MAMDC2: variants seen among roughly 807,000 people sequenced by gnomAD.
MAMDC2 encodes the protein MAM domain-containing protein 2.
A neutral mutation model predicts 89.8 loss-of-function variants in MAMDC2; 57 were observed. The observed-to-expected ratio is 0.63, with a 90% CI of 0.51 to 0.79. MAMDC2 has a LOEUF of 0.79. Among genes scored for constraint, MAMDC2 ranks in the 30% least tolerant of loss-of-function variants. The pLI is 0.00. For missense variants in MAMDC2, 800 were observed against 820.6 expected (o/e 0.97, Z 0.31); for synonymous variants, 313 against 293.4 (o/e 1.07, Z -0.68).
chr9:70,203,800 T>G (rs1458001117), intron 11 of MAMDC2, among the ~76,000 whole-genome samples: 1 of 125,920 alleles, frequency 7.9e-6, no homozygotes, highest in Non-Finnish European at 1.7e-5. Context: ...CTTCATTTCA[T>G]TCATTTCATC....
At chr9:70,093,703 A>T (rs1827962087) in intron 2 of MAMDC2, 1 of 151,902 alleles carries the variant, frequency 6.6e-6, no homozygotes, top group African/African-American at 2.4e-5. Flanking sequence ...AAGTGCTGGG[A>T]TTACAGGCAT....
chr9:70,143,832 CA>C lies in MAMDC2; in HGVS notation c.1404+15del. On this transcript the variant is annotated intron_variant, in intron 9 of 13. Transcript: ENST00000377182. ...CATGCCTACCAAGGTACAGCAGAGCCAATTTCTCCTGTGTCCATGTTCAGTT... is the reference window on the plus strand; with the variant it reads ...CATGCCTACCAAGGTACAGCAGAGCCATTTCTCCTGTGTCCATGTTCAGTT... 1 of 1,610,458 alleles carries C rather than the reference CA, an allele frequency of 6.2e-7. No individual in the cohort carries two copies.
At chr9:70,179,621 G>GAAAA (rs547265087) in intron 11 of MAMDC2, among the ~76,000 whole-genome samples, 79 of 116,352 alleles carry the variant, frequency 6.8e-4, no homozygotes, top group African/African-American at 2.3e-3. Context: ...TTCTACAAAT[G>GAAAA]AAAAAAAAAA....
intron 12 of MAMDC2, 25 bp downstream of exon 12, chr9:70,218,621 A>C: frequency 1.3e-6 from 2 of 1,561,160 alleles, no homozygotes; most frequent in South Asian, 2.4e-5. Context: ...ATAAGAACTA[A>C]GCAATGGAAA....
intron 9 of MAMDC2, among the ~76,000 whole-genome samples, chr9:70,161,826 T>G (rs1232424563): frequency 6.6e-6 from 1 of 152,216 alleles, no homozygotes; most frequent in African/African-American, 2.4e-5. Flanking sequence ...AGTAATTTTG[T>G]GAATAATTAT....
At chr9:70,119,057 T>C (rs1391949855) in intron 5 of MAMDC2, among the ~76,000 whole-genome samples, 1 of 152,160 alleles carries the variant, frequency 6.6e-6, no homozygotes. Flanking sequence ...TTTTATCCTG[T>C]ATTTTCTTAA....
intron 11 of MAMDC2, among the ~76,000 whole-genome samples, chr9:70,185,686 A>G (rs1431870137): frequency 2.0e-5 from 3 of 152,106 alleles, no homozygotes; most frequent in Non-Finnish European, 4.4e-5. Context: ...ACTGTCCGGG[A>G]AAAACTGCCT....
intron 2 of MAMDC2, chr9:70,090,881 G>T (rs1303634660): frequency 1.3e-5 from 2 of 151,920 alleles, no homozygotes; most frequent in African/African-American, 2.4e-5. Context: ...ATTAAATTAT[G>T]GTACATTTAT....
intron 5 of MAMDC2, among the ~76,000 whole-genome samples, chr9:70,117,442 G>A (rs1274380971): frequency 6.6e-6 from 1 of 152,074 alleles, no homozygotes; most frequent in Non-Finnish European, 1.5e-5. Context: ...GACACAGGGA[G>A]GGAAACATCA....
intron 8 of MAMDC2, among the ~76,000 whole-genome samples, chr9:70,141,063 G>A (rs1358079254): frequency 6.6e-5 from 10 of 152,162 alleles, no homozygotes; most frequent in Non-Finnish European, 2.9e-5. Context: ...AGACTGAGGT[G>A]AGTTTACCGT....
intron 2 of MAMDC2, chr9:70,081,604 T>C (rs1422247321): frequency 1.3e-5 from 2 of 152,078 alleles, no homozygotes; most frequent in African/African-American, 4.8e-5. Context: ...ACAAGTAAAA[T>C]TAGGGGATAT....
chr9:70,207,985 G>A (rs372267994), intron 11 of MAMDC2, among the ~76,000 whole-genome samples: 5 of 152,184 alleles, frequency 3.3e-5, no homozygotes, highest in Non-Finnish European at 4.4e-5. Flanking sequence ...TGTTCCATTG[G>A]TCTATATCTC....
intron 6 of MAMDC2, among the ~76,000 whole-genome samples, 159 bp from the exon 7 acceptor site, chr9:70,131,360 G>A (rs902694562): frequency 3.3e-5 from 5 of 152,192 alleles, no homozygotes; most frequent in South Asian, 4.1e-4. Flanking sequence ...GTAGGTTGAG[G>A]AGGGTGCTGC....
chr9:70,117,767 ACT>A (rs2030077352), intron 5 of MAMDC2, among the ~76,000 whole-genome samples: 1 of 145,218 alleles, frequency 6.9e-6, no homozygotes, highest in African/African-American at 2.5e-5. Context: ...AACTGGGGAA[ACT>A]CTGCATTAAA....
At chr9:70,047,192 C>CT (rs11421160) in intron 2 of MAMDC2, among the ~76,000 whole-genome samples, 34,450 of 145,686 alleles carry the variant, frequency 0.24, 4,070 homozygotes, top group African/African-American at 0.3. Flanking sequence ...ACATGCACTT[C>CT]TTTTTTTTTT....
At chr9:70,085,217 C>T (rs997337807) in intron 2 of MAMDC2, among the ~76,000 whole-genome samples, 6 of 151,960 alleles carry the variant, frequency 3.9e-5, no homozygotes, top group Non-Finnish European at 8.8e-5. Context: ...CGATAACTCT[C>T]CTCAGTATTA....
intron 6 of MAMDC2, among the ~76,000 whole-genome samples, chr9:70,129,496 C>A (rs755354916): frequency 6.6e-6 from 1 of 152,114 alleles, no homozygotes; most frequent in African/African-American, 2.4e-5. Flanking sequence ...CCAGGCCCAC[C>A]TAGCTAATAA....
chr9:70,198,584 T>G (rs1244746843), intron 11 of MAMDC2, among the ~76,000 whole-genome samples: 1 of 152,058 alleles, frequency 6.6e-6, no homozygotes, highest in Non-Finnish European at 1.5e-5. Flanking sequence ...AGATTAAAAG[T>G]CATTCAGTTC....
At chr9:70,179,632 A>AAAC (rs2032591284) in intron 11 of MAMDC2, among the ~76,000 whole-genome samples, 1 of 151,274 alleles carries the variant, frequency 6.6e-6, no homozygotes, top group African/African-American at 2.4e-5. Context: ...AAAAAAAAAA[A>AAAC]AAACAAAAGC....
Sources: gnomAD v4.1 joint callset for allele counts (sites outside exome capture counted in the v4.1 genomes callset) on GRCh38, gnomAD v4.1.1 for gene constraint, MANE v1.5 for transcripts, NCBI Gene and HGNC (gene_info 2026-07-23, HGNC 2026-07-21) for gene names.